Variants in SH3RF2 observed in about 807,000 individuals in gnomAD.
SH3RF2 encodes E3 ubiquitin-protein ligase SH3RF2.
In SH3RF2, 43 loss-of-function variants were observed where a neutral mutation model predicts 59.0. The observed-to-expected ratio is 0.73, with a 90% CI of 0.57 to 0.94. The LOEUF is 0.94. Ranked by LOEUF, SH3RF2 falls within the 40% of genes least tolerant of loss-of-function variation. SH3RF2 has a pLI of 0.00. For missense variants in SH3RF2, 930 were observed against 940.1 expected (o/e 0.99, Z 0.14); for synonymous variants, 391 against 391.5 (o/e 1.00, Z 0.01).
At chr5:146,004,201 T>C (rs1473018293) in intron 4 of SH3RF2, 48 bp downstream of exon 4, 1 of 1,492,174 alleles carries the variant, frequency 6.7e-7, no homozygotes, top group South Asian at 1.1e-5. Flanking sequence ...CACAGAAATA[T>C]TCATGTGCTA....
In SH3RF2 at chr5:145,944,998, C is replaced by A. The variant is rs554786318; in HGVS notation, c.378+6692C>A. Among the ~76,000 whole-genome samples the A allele has an allele frequency of 4.6e-5, 7 of 152,240 alleles. 1 individual carries two copies. In the East Asian group the frequency reaches 1.4e-3, roughly 29 times the overall value. ...GATTCTCACCTCCTCAGTGCAGAAA[C>A]CAGTCAAGACTAATTGGTAAACCAA... On this transcript the variant is annotated intron_variant, in intron 2 of 9. Coordinates refer to ENST00000359120, the MANE Select transcript of SH3RF2 (RefSeq NM_152550.4).
chr5:146,047,855 A>G lies in SH3RF2; in HGVS notation c.1143A>G (p.Ser381=), dbSNP rs1471767388. The G allele has an allele frequency of 6.2e-7, 1 of 1,613,884 alleles. No homozygotes were observed. Among genetic ancestry groups the G allele is most frequent in the Non-Finnish European group, 8.5e-7 (1 of 1,180,018 alleles). ...TGCCTGGCTCCCAGCAACACCTCTC[A>G]GCGAACATGTGAGTAAAAGGCTCAT... ...VSLPGSQQHL[S]ANMFVALHSY... Residue 381 remains serine, a synonymous_variant, in exon 6 of 10, where the codon TCA becomes TCG. Transcript: ENST00000359120.
At chr5:145,959,418 G>A (rs1455620712) in intron 2 of SH3RF2, among the ~76,000 whole-genome samples, 1 of 152,006 alleles carries the variant, frequency 6.6e-6, no homozygotes, top group African/African-American at 2.4e-5. Flanking sequence ...TAGCTCATAG[G>A]CTGGAAAATT....
intron 2 of SH3RF2, among the ~76,000 whole-genome samples, chr5:145,976,866 T>G (rs908218054): frequency 2.6e-5 from 4 of 152,256 alleles, no homozygotes; most frequent in Admixed American, 2.6e-4. Flanking sequence ...CAAGTCCTGT[T>G]GTTTCGGTTA....
intron 9 of SH3RF2, 112 bp downstream of exon 9, chr5:146,060,336 A>T: frequency 9.9e-7 from 1 of 1,014,564 alleles, no homozygotes; most frequent in Non-Finnish European, 1.4e-6. Flanking sequence ...TGCAGCCTCG[A>T]AAGAATCCTC....
intron 2 of SH3RF2, among the ~76,000 whole-genome samples, chr5:145,983,089 T>C (rs1759565013): frequency 6.6e-6 from 1 of 152,140 alleles, no homozygotes; most frequent in African/African-American, 2.4e-5. Context: ...CAAGTGTGAA[T>C]TAGAGAGCTA....
At chr5:146,025,043 T>C (rs192703016) in intron 5 of SH3RF2, among the ~76,000 whole-genome samples, 146 of 152,368 alleles carry the variant, frequency 9.6e-4, no homozygotes, top group African/African-American at 3.5e-3. Flanking sequence ...CTGTCACTCC[T>C]GAATTTTTTT....
At chr5:146,048,587 C>T (rs1240878624) in intron 6 of SH3RF2, among the ~76,000 whole-genome samples, 1 of 152,128 alleles carries the variant, frequency 6.6e-6, no homozygotes, top group East Asian at 1.9e-4. Context: ...TTTGATAAAA[C>T]GCTCCAATGT....
chr5:146,077,315 T>A lies in SH3RF2; in HGVS notation c.*34-1145T>A, dbSNP rs928196557. 1.2e-4 allele frequency among the ~76,000 whole-genome samples: 18 copies of A among 152,216 alleles called. No individual in the cohort carries two copies. In the South Asian group the frequency reaches 3.7e-3, roughly 31 times the overall value. ...AGGATATTGATTACATGTGTGAGGA[T>A]CATAGGAATGCAGGTTGAGTTTGGT... On this transcript the variant is annotated intron_variant, in intron 9 of 9. Coordinates refer to the SH3RF2 transcript ENST00000511217.
At chr5:146,002,173 T>C (rs954083178) in intron 3 of SH3RF2, among the ~76,000 whole-genome samples, 12 of 152,212 alleles carry the variant, frequency 7.9e-5, no homozygotes, top group Admixed American at 7.2e-4. Flanking sequence ...AATAACCTCC[T>C]GGCACGGTGG....
intron 7 of SH3RF2, among the ~76,000 whole-genome samples, chr5:146,049,741 C>T (rs1470663321): frequency 1.3e-5 from 2 of 152,118 alleles, no homozygotes; most frequent in Non-Finnish European, 2.9e-5. Flanking sequence ...CTACCTCTTC[C>T]TCCACACCCA....
chr5:146,081,081 AGC>A (rs1421776069), exon 10 of SH3RF2: 2 of 152,238 alleles, frequency 1.3e-5, no homozygotes, highest in African/African-American at 4.8e-5. Context: ...TACAGACGTG[AGC>A]CACCATGCCC....
chr5:145,949,441 T>C (rs1195666637), intron 2 of SH3RF2, among the ~76,000 whole-genome samples: 1 of 152,236 alleles, frequency 6.6e-6, no homozygotes, highest in Non-Finnish European at 1.5e-5. Flanking sequence ...ATTAACGAGC[T>C]GCCTGGATAT....
chr5:146,005,632 T>C (rs1009816374), intron 4 of SH3RF2, among the ~76,000 whole-genome samples: 2 of 152,144 alleles, frequency 1.3e-5, no homozygotes, highest in African/African-American at 4.8e-5. Context: ...TAATTCTCAT[T>C]CCTAATGCCT....
intron 5 of SH3RF2, among the ~76,000 whole-genome samples, chr5:146,020,499 C>T (rs554052403): frequency 1.3e-5 from 2 of 152,146 alleles, no homozygotes; most frequent in African/African-American, 4.8e-5. Flanking sequence ...CATATCCATA[C>T]CCCAAGGCCC....
At chr5:146,032,656 A>G (rs1761782412) in intron 5 of SH3RF2, among the ~76,000 whole-genome samples, 1 of 152,126 alleles carries the variant, frequency 6.6e-6, no homozygotes, top group East Asian at 1.9e-4. Context: ...GCTTTACCAA[A>G]CCTCAGCTCA....
chr5:145,966,708 T>A (rs1228240983), intron 2 of SH3RF2, among the ~76,000 whole-genome samples: 1 of 152,074 alleles, frequency 6.6e-6, no homozygotes, highest in Non-Finnish European at 1.5e-5. Flanking sequence ...AGAAGAATAC[T>A]CAGGGAAAAA....
intron 2 of SH3RF2, among the ~76,000 whole-genome samples, chr5:145,956,342 C>A (rs960954243): frequency 6.6e-6 from 1 of 152,184 alleles, no homozygotes; most frequent in African/African-American, 2.4e-5. Flanking sequence ...GTGGCCCAAT[C>A]TCAGCTCGCT....
intron 5 of SH3RF2, among the ~76,000 whole-genome samples, chr5:146,022,811 G>T (rs1214419566): frequency 6.6e-6 from 1 of 151,706 alleles, no homozygotes; most frequent in African/African-American, 2.4e-5. Context: ...GGCAGAGGTT[G>T]CAGTGAGCCG....
Sources: gnomAD v4.1 joint callset for allele counts (sites outside exome capture counted in the v4.1 genomes callset) on GRCh38, gnomAD v4.1.1 for gene constraint, MANE v1.5 for transcripts, NCBI Gene and HGNC (gene_info 2026-07-23, HGNC 2026-07-21) for gene names.